Variants in DYNC2I2 observed in about 807,000 individuals in gnomAD.
The protein encoded by DYNC2I2 is dynein 2 intermediate chain 2.
In DYNC2I2, 39 loss-of-function variants were observed where a neutral mutation model predicts 52.0. That is an observed-to-expected ratio of 0.75 (90% CI 0.58 to 0.98). DYNC2I2 has a LOEUF of 0.98. DYNC2I2 is among the 50% of genes least tolerant of loss of function. The pLI, the probability that DYNC2I2 is intolerant of heterozygous loss-of-function variation, is 0.00. For missense variants in DYNC2I2, 743 were observed against 728.4 expected (o/e 1.02, Z -0.23); for synonymous variants, 359 against 321.1 (o/e 1.12, Z -1.26).
intron 2 of DYNC2I2, among the ~76,000 whole-genome samples, chr9:128,638,931 C>T (rs575851932): frequency 6.6e-6 from 1 of 152,282 alleles, no homozygotes; most frequent in East Asian, 1.9e-4. Flanking sequence ...ATACAATGGG[C>T]TAGGAGGTGG....
chr9:128,649,349 T>C (rs1488305770), intron 1 of DYNC2I2, among the ~76,000 whole-genome samples: 1 of 151,928 alleles, frequency 6.6e-6, no homozygotes, highest in Non-Finnish European at 1.5e-5. Context: ...GAGACTGAAG[T>C]GGGAGGATCG....
chr9:128,648,575 C>G (rs1416193351), intron 1 of DYNC2I2, among the ~76,000 whole-genome samples: 1 of 145,030 alleles, frequency 6.9e-6, no homozygotes, highest in African/African-American at 2.5e-5. Context: ...CACTTGAGGC[C>G]AGGAGTTCAA....
chr9:128,656,481 A>C, intron 1 of DYNC2I2, 60 bp downstream of exon 1: 3 of 1,202,864 alleles, frequency 2.5e-6, no homozygotes, highest in South Asian at 3.7e-5. Context: ...CCCGCCCGGC[A>C]GCCGCGCTGC....
the DYNC2I2 span, among the ~76,000 whole-genome samples, chr9:128,669,674 G>T: frequency 1.3e-5 from 2 of 152,130 alleles, no homozygotes; most frequent in Admixed American, 1.3e-4. Flanking sequence ...GCCATCCTGG[G>T]CAACAAGAGC....
chr9:128,679,739 T>C, the DYNC2I2 span, among the ~76,000 whole-genome samples: 1 of 147,806 alleles, frequency 6.8e-6, no homozygotes, highest in African/African-American at 2.5e-5. Flanking sequence ...CTCTGCCTCC[T>C]GGTTTCCAGT....
chr9:128,679,487 AGGGTCTT>A, the DYNC2I2 span, among the ~76,000 whole-genome samples: 2 of 152,104 alleles, frequency 1.3e-5, no homozygotes, highest in African/African-American at 4.8e-5. Flanking sequence ...TTTTTGAGGC[AGGGTCTT>A]GCTCTGTTGA....
chr9:128,676,075 G>A, the DYNC2I2 span, among the ~76,000 whole-genome samples: 1 of 152,162 alleles, frequency 6.6e-6, no homozygotes, highest in Non-Finnish European at 1.5e-5. Flanking sequence ...GCTGAGGAGG[G>A]AGGATCACTT....
intron 1 of DYNC2I2, among the ~76,000 whole-genome samples, chr9:128,645,591 T>C (rs562943232): frequency 9.0e-6 from 1 of 111,674 alleles, no homozygotes; most frequent in Admixed American, 1.4e-4. Flanking sequence ...CACTCTGGCC[T>C]GGGCAACAAA....
chr9:128,675,386 A>G, the DYNC2I2 span, among the ~76,000 whole-genome samples: 9 of 152,122 alleles, frequency 5.9e-5, no homozygotes, highest in African/African-American at 1.9e-4. Context: ...CATGTTGGCC[A>G]GGCTAGTCTA....
Position 128,637,903 on chromosome 9 carries a change from C to T in DYNC2I2, c.436-876G>A, listed in dbSNP as rs575790608. Among the ~76,000 whole-genome samples the T allele has an allele frequency of 7.8e-4, 118 of 152,240 alleles. 1 individual carries two copies. The highest frequency in any genetic ancestry group is 2.5e-3 in the East Asian group (13 of 5,170). The stretch of plus-strand genomic sequence containing the variant: ...CCAAACAGCCTCTCAGATCCTCTGA[C>T]GTTTCAGATCTGTTGACCTCATGAT... On this transcript the variant is annotated intron_variant, in intron 2 of 8. Transcript: ENST00000372715.
chr9:128,646,850 G>A (rs1027097073), intron 1 of DYNC2I2, among the ~76,000 whole-genome samples: 8 of 152,240 alleles, frequency 5.3e-5, no homozygotes, highest in Non-Finnish European at 4.4e-5. Context: ...AGGTTGGCTG[G>A]GCACAGTGGC....
At chr9:128,641,060 C>T in intron 1 of DYNC2I2, 121 bp from the exon 2 acceptor site, 7 of 1,420,636 alleles carry the variant, frequency 4.9e-6, no homozygotes, top group Non-Finnish European at 6.5e-6. Context: ...AGGCTAGGGG[C>T]CTCTCTCAGT....
intron 1 of DYNC2I2, among the ~76,000 whole-genome samples, chr9:128,645,750 G>A (rs1860604887): frequency 6.6e-6 from 1 of 152,092 alleles, no homozygotes; most frequent in South Asian, 2.1e-4. Context: ...TAGTGAGGAG[G>A]GCATGTTGAA....
the DYNC2I2 span, among the ~76,000 whole-genome samples, chr9:128,682,768 C>T: frequency 1.9e-4 from 29 of 149,708 alleles, no homozygotes; most frequent in East Asian, 4.1e-3. Context: ...CTCCGCCTCC[C>T]GGGTTCACAC....
chr9:128,638,039 C>T (rs1038453306), intron 2 of DYNC2I2, among the ~76,000 whole-genome samples: 14 of 151,192 alleles, frequency 9.3e-5, no homozygotes, highest in African/African-American at 3.4e-4. Flanking sequence ...GAGTTCAAGA[C>T]CAGTGTAGGC....
chr9:128,668,929 TAAC>T, the DYNC2I2 span, among the ~76,000 whole-genome samples: 1 of 151,364 alleles, frequency 6.6e-6, no homozygotes, highest in Admixed American at 6.6e-5. Context: ...AAGGAGTGTA[TAAC>T]AACTAACCTG....
chr9:128,647,633 G>A (rs1943529887), intron 1 of DYNC2I2, among the ~76,000 whole-genome samples: 1 of 151,708 alleles, frequency 6.6e-6, no homozygotes, highest in African/African-American at 2.4e-5. Context: ...TACTCAGGAG[G>A]CTGAGACAGA....
the DYNC2I2 span, among the ~76,000 whole-genome samples, chr9:128,680,728 G>A: frequency 6.6e-6 from 1 of 151,870 alleles, no homozygotes; most frequent in African/African-American, 2.4e-5. Flanking sequence ...AGTCTGGAGT[G>A]CGGTGGCGTG....
At chr9:128,646,915 A>C (rs1467618576) in intron 1 of DYNC2I2, among the ~76,000 whole-genome samples, 1 of 152,206 alleles carries the variant, frequency 6.6e-6, no homozygotes, top group Non-Finnish European at 1.5e-5. Flanking sequence ...TCACGAGGAC[A>C]GGAGTTCGAG....
Sources: gnomAD v4.1 joint callset for allele counts (sites outside exome capture counted in the v4.1 genomes callset) on GRCh38, gnomAD v4.1.1 for gene constraint, MANE v1.5 for transcripts, NCBI Gene and HGNC (gene_info 2026-07-23, HGNC 2026-07-21) for gene names.